Variants in ZNF215 observed in about 807,000 individuals in gnomAD.
ZNF215 encodes BWSCR2-associated zinc finger protein 2.
In ZNF215, 24 loss-of-function variants were observed where a neutral mutation model predicts 27.2. The observed-to-expected ratio is 0.88, with a 90% CI of 0.64 to 1.24. The LOEUF (loss-of-function observed/expected upper bound fraction) is 1.24, where lower values mean the gene tolerates loss of function less well. Ranked by LOEUF, ZNF215 falls within the 50% of genes most tolerant of loss-of-function variation. ZNF215 has a pLI of 0.00. For missense variants in ZNF215, 675 were observed against 605.7 expected (o/e 1.11, Z -1.20); for synonymous variants, 210 against 204.0 (o/e 1.03, Z -0.25).
intron 2 of ZNF215, among the ~76,000 whole-genome samples, chr11:6,929,244 T>A (rs1484832027): frequency 6.6e-6 from 1 of 152,166 alleles, no homozygotes; most frequent in Non-Finnish European, 1.5e-5. Context: ...AGTTTCTAAA[T>A]AAATTGGATA....
chr11:6,953,476 TC>T (rs1190041977), intron 6 of ZNF215, among the ~76,000 whole-genome samples: 1 of 152,222 alleles, frequency 6.6e-6, no homozygotes, highest in African/African-American at 2.4e-5. Context: ...TTGCTTCATT[TC>T]ATTCATTTCA....
intron 5 of ZNF215, among the ~76,000 whole-genome samples, chr11:6,976,093 A>G (rs528544771): frequency 9.5e-4 from 145 of 152,136 alleles, no homozygotes; most frequent in Non-Finnish European, 1.3e-3. Flanking sequence ...TCTCTGATCA[A>G]TGATGTTGAG....
At chr11:6,945,442 A>G (rs956697107) in intron 6 of ZNF215, among the ~76,000 whole-genome samples, 2 of 152,106 alleles carry the variant, frequency 1.3e-5, no homozygotes, top group African/African-American at 4.8e-5. Context: ...AAAGTACTTT[A>G]TGCTTGTTTT....
At chr11:6,976,888 C>A (rs1590086170) in intron 5 of ZNF215, among the ~76,000 whole-genome samples, 1 of 152,038 alleles carries the variant, frequency 6.6e-6, no homozygotes, top group East Asian at 1.9e-4. Flanking sequence ...GTTCTGATAT[C>A]AGACGTCTGA....
downstream of ZNF215, among the ~76,000 whole-genome samples, chr11:6,992,025 C>T (rs144305512): frequency 1.8e-3 from 277 of 152,210 alleles, no homozygotes; most frequent in African/African-American, 6.3e-3. Flanking sequence ...TGATAGTTTG[C>T]ACTGAAATTT....
chr11:6,977,390 G>T (rs1179926418), intron 5 of ZNF215, among the ~76,000 whole-genome samples: 2 of 151,996 alleles, frequency 1.3e-5, no homozygotes, highest in African/African-American at 4.8e-5. Flanking sequence ...TTGGTTATTA[G>T]ATTTTTTAAA....
At chr11:6,968,458 T>A (rs754735838) in intron 5 of ZNF215, among the ~76,000 whole-genome samples, 26 of 152,038 alleles carry the variant, frequency 1.7e-4, no homozygotes, top group Non-Finnish European at 3.1e-4. Context: ...TATCTTATTA[T>A]ACATTTCATC....
intron 5 of ZNF215, among the ~76,000 whole-genome samples, chr11:6,969,112 G>T (rs548172453): frequency 6.6e-6 from 1 of 152,088 alleles, no homozygotes; most frequent in Admixed American, 6.6e-5. Context: ...TTTGATTCAG[G>T]TTTCCATTTC....
downstream of ZNF215, among the ~76,000 whole-genome samples, chr11:6,984,858 TAAAAAG>T (rs1364082515): frequency 3.3e-5 from 5 of 151,828 alleles, no homozygotes; most frequent in Admixed American, 6.6e-5. Context: ...AAAAAATAGT[TAAAAAG>T]AGAACAGACC....
At chr11:6,949,964 T>G (rs1287736553) in intron 6 of ZNF215, among the ~76,000 whole-genome samples, 1 of 152,122 alleles carries the variant, frequency 6.6e-6, no homozygotes, top group Non-Finnish European at 1.5e-5. Context: ...TAGCCAGATT[T>G]CCCAGCACCA....
rs1850323622 is a variant in ZNF215 at position 6,955,964 on chromosome 11, G to T, written c.987G>T (p.Lys329Asn). 1 of 1,612,956 alleles carries T rather than the reference G, an allele frequency of 6.2e-7. No individual in the cohort carries two copies. Among genetic ancestry groups the T allele is most frequent in the African/African-American group, 1.3e-5 (1 of 74,840 alleles). Residue 329 changes from lysine to asparagine, a missense_variant, in exon 7 of 7, where the codon AAG (lysine) becomes AAT (asparagine). Transcript: ENST00000278319. ...CAIQVGIPSR[K>N]GSPKCDKFKT... Reference sequence around the variant, plus strand: ...TACAAGTGGGAATTCCTTCAAGAAAGGGGTCTCCAAAATGTGATAAGTTTA... The same window carrying T: ...TACAAGTGGGAATTCCTTCAAGAAATGGGTCTCCAAAATGTGATAAGTTTA...
chr11:6,951,983 C>T (rs562188564), intron 6 of ZNF215, among the ~76,000 whole-genome samples: 117 of 152,242 alleles, frequency 7.7e-4, no homozygotes, highest in African/African-American at 2.4e-3. Context: ...GCCTTCATTT[C>T]GTTATGCACC....
intron 3 of ZNF215, among the ~76,000 whole-genome samples, chr11:6,936,236 A>G (rs985736795): frequency 1.3e-5 from 2 of 152,056 alleles, no homozygotes; most frequent in African/African-American, 2.4e-5. Flanking sequence ...GATCAGCAAA[A>G]CTGACAAAGG....
At chr11:6,931,393 A>G (rs1378761656) in intron 2 of ZNF215, among the ~76,000 whole-genome samples, 3 of 152,340 alleles carry the variant, frequency 2.0e-5, no homozygotes, top group South Asian at 4.1e-4. Flanking sequence ...CTCACACTGA[A>G]GAAAAGTGCA....
At chr11:6,993,269 G>T (rs148134388), downstream of ZNF215, among the ~76,000 whole-genome samples, 2 of 152,184 alleles carry the variant, frequency 1.3e-5, no homozygotes, top group South Asian at 2.1e-4. Context: ...TCTGCAACTC[G>T]CCTTGAATTC....
downstream of ZNF215, among the ~76,000 whole-genome samples, chr11:6,960,852 A>T (rs117725871): frequency 2.8e-3 from 419 of 152,230 alleles, 2 homozygotes; most frequent in Non-Finnish European, 5.3e-3. Context: ...AATATCTTTA[A>T]ATCTTTGGTG....
At chr11:6,981,317 T>C (rs1320443728) in intron 5 of ZNF215, among the ~76,000 whole-genome samples, 2 of 150,218 alleles carry the variant, frequency 1.3e-5, no homozygotes, top group Non-Finnish European at 3.0e-5. Context: ...TGGTGTGAGA[T>C]GGTATCTCAT....
chr11:6,968,631 C>T (rs1850670002), intron 5 of ZNF215, among the ~76,000 whole-genome samples: 1 of 151,812 alleles, frequency 6.6e-6, no homozygotes, highest in African/African-American at 2.4e-5. Context: ...TTTGGGAAGC[C>T]AAGGTGGGTG....
intron 5 of ZNF215, among the ~76,000 whole-genome samples, chr11:6,964,657 A>G (rs1212497703): frequency 6.6e-6 from 1 of 150,874 alleles, no homozygotes. Flanking sequence ...TTAGCCTTGA[A>G]ATCAGATCAT....
Sources: allele counts gnomAD v4.1 joint callset (sites outside exome capture counted in the v4.1 genomes callset), GRCh38; gene constraint gnomAD v4.1.1; transcripts MANE v1.5; gene names NCBI Gene and HGNC (gene_info 2026-07-23, HGNC 2026-07-21).